DGKG: variants seen among roughly 807,000 people sequenced by gnomAD.
DGKG encodes the protein diacylglycerol kinase gamma, also known as DAG kinase gamma.
DGKG carries 78 observed loss-of-function variants against 105.3 expected under a neutral mutation model. The observed-to-expected ratio is 0.74, with a 90% CI of 0.62 to 0.89. DGKG has a LOEUF of 0.89. Among genes scored for constraint, DGKG ranks in the 40% least tolerant of loss-of-function variants. DGKG has a pLI of 0.00. For synonymous variants in DGKG, 346 were observed against 367.1 expected, an observed-to-expected ratio of 0.94 and a Z score of 0.66; for missense variants, 958 against 1,020.1, an observed-to-expected ratio of 0.94 and a Z score of 0.83.
At chr3:186,257,799 T>C in intron 17 of DGKG, 55 bp downstream of exon 17, 4 of 1,389,262 alleles carry the variant, frequency 2.9e-6, no homozygotes, top group Non-Finnish European at 4.1e-6. Flanking sequence ...CTTCTGCTGA[T>C]TGTAAATACG....
intron 21 of DGKG, among the ~76,000 whole-genome samples, chr3:186,191,259 A>G (rs1717893756): frequency 6.6e-6 from 1 of 152,268 alleles, no homozygotes; most frequent in Non-Finnish European, 1.5e-5. Context: ...CTAAGTCACC[A>G]ATATCTGTGT....
At chr3:186,185,133 C>T (rs1289317005) in intron 22 of DGKG, among the ~76,000 whole-genome samples, 1 of 152,226 alleles carries the variant, frequency 6.6e-6, no homozygotes, top group Non-Finnish European at 1.5e-5. Context: ...GAACTCCAGT[C>T]TTCTGACTCC....
chr3:186,265,107 A>G, intron 14 of DGKG, 140 bp downstream of exon 14: 1 of 734,956 alleles, frequency 1.4e-6, no homozygotes, highest in Non-Finnish European at 2.3e-6. Flanking sequence ...CCACAAATAA[A>G]TGCCCTCCTG....
At chr3:186,339,487 A>T (rs1725987066) in intron 1 of DGKG, among the ~76,000 whole-genome samples, 1 of 152,170 alleles carries the variant, frequency 6.6e-6, no homozygotes, top group East Asian at 1.9e-4. Context: ...CCTAAATTGG[A>T]TGTAACTTTA....
chr3:186,353,646 CTATGT>C, intron 1 of DGKG, among the ~76,000 whole-genome samples: 1 of 108,572 alleles, frequency 9.2e-6, no homozygotes, highest in African/African-American at 4.0e-5. Flanking sequence ...ATATCTATAT[CTATGT>C]CTATGTCTAT....
intron 1 of DGKG, among the ~76,000 whole-genome samples, chr3:186,354,120 G>C (rs1726787805): frequency 6.6e-6 from 1 of 152,102 alleles, no homozygotes; most frequent in African/African-American, 2.4e-5. Context: ...GGCTAGATGA[G>C]AGTAACCATT....
chr3:186,296,335 G>A (rs1191475647), intron 5 of DGKG, among the ~76,000 whole-genome samples: 1 of 152,208 alleles, frequency 6.6e-6, no homozygotes, highest in African/African-American at 2.4e-5. Flanking sequence ...GGTAGTGTTG[G>A]CTCTGGGAAT....
rs561466974 is a variant in DGKG, at chr3:186,196,295, G to A, written c.1918-7916C>T. Among the ~76,000 whole-genome samples the A allele has an allele frequency of 3.9e-5, 6 of 151,980 alleles. No individual in the cohort carries two copies. The East Asian group carries it at 5.8e-4, about 15-fold the overall frequency. ...TGGGACTACAGGTGCCCACCACCACGCCCAGCTAATTTTTTGTATTTTTAG... is the reference window on the plus strand; with the variant it reads ...TGGGACTACAGGTGCCCACCACCACACCCAGCTAATTTTTTGTATTTTTAG... On this transcript the variant is annotated intron_variant, in intron 21 of 24. Coordinates refer to ENST00000265022, the MANE Select transcript of DGKG (RefSeq NM_001346.3).
chr3:186,169,717 A>G (rs886120758), intron 22 of DGKG, among the ~76,000 whole-genome samples: 6 of 152,224 alleles, frequency 3.9e-5, no homozygotes, highest in African/African-American at 1.4e-4. Context: ...CAACTTCCAC[A>G]AGTTCAAAAT....
At chr3:186,281,915 T>C (rs1007805555) in intron 7 of DGKG, among the ~76,000 whole-genome samples, 12 of 152,174 alleles carry the variant, frequency 7.9e-5, no homozygotes, top group Non-Finnish European at 1.6e-4. Flanking sequence ...TAAAGAATCA[T>C]AGGGGACGGA....
chr3:186,230,045 G>A (rs367645676), intron 20 of DGKG, among the ~76,000 whole-genome samples: 65 of 152,234 alleles, frequency 4.3e-4, no homozygotes, highest in African/African-American at 1.5e-3. Context: ...GGATCACGAG[G>A]TCAGGAGATC....
At chr3:186,243,342 C>T (rs1163419699) in intron 19 of DGKG, among the ~76,000 whole-genome samples, 1 of 152,062 alleles carries the variant, frequency 6.6e-6, no homozygotes, top group African/African-American at 2.4e-5. Flanking sequence ...GCCACACTAG[C>T]GGCCCCCTGC....
At position 186,342,491 on chromosome 3, in the gene DGKG, C is replaced by T. The variant is rs73885854; in HGVS notation, c.-249+19455G>A. ...CGCATCAGACAAGTCTCTTCATTTC[C>T]CTTGTTGACATGGAATAAAGAAGCT... is the stretch of plus-strand genomic sequence containing the variant. On this transcript the variant is annotated intron_variant, in intron 1 of 24. Coordinates refer to ENST00000265022, the MANE Select transcript of DGKG (RefSeq NM_001346.3). Among the ~76,000 whole-genome samples the T allele has an allele frequency of 2.1e-3, 325 of 152,206 alleles. 2 individuals carry two copies. Among genetic ancestry groups the T allele is most frequent in the African/African-American group, 6.9e-3 (286 of 41,518 alleles).
At chr3:186,356,777 A>C (rs1726983504) in intron 1 of DGKG, among the ~76,000 whole-genome samples, 1 of 152,174 alleles carries the variant, frequency 6.6e-6, no homozygotes, top group African/African-American at 2.4e-5. Context: ...TTGAGAGCCA[A>C]GTTACCCCAT....
intron 1 of DGKG, among the ~76,000 whole-genome samples, chr3:186,355,426 A>AAC (rs1726893636): frequency 6.7e-6 from 1 of 149,664 alleles, no homozygotes; most frequent in African/African-American, 2.5e-5. Flanking sequence ...CACCACCATG[A>AAC]ACACTACTCC....
At chr3:186,180,943 A>C (rs1717329933) in intron 22 of DGKG, among the ~76,000 whole-genome samples, 1 of 152,230 alleles carries the variant, frequency 6.6e-6, no homozygotes, top group Non-Finnish European at 1.5e-5. Context: ...TGCCCTTCCC[A>C]GGTAAAGTGT....
intron 21 of DGKG, among the ~76,000 whole-genome samples, chr3:186,197,414 C>G (rs1286012214): frequency 6.6e-6 from 1 of 152,036 alleles, no homozygotes; most frequent in Non-Finnish European, 1.5e-5. Context: ...GAGTGAAATC[C>G]CCCACCACCC....
chr3:186,359,128 T>G (rs1727113019), intron 1 of DGKG, among the ~76,000 whole-genome samples: 1 of 152,192 alleles, frequency 6.6e-6, no homozygotes, highest in Admixed American at 6.5e-5. Context: ...CTTGGCCTAT[T>G]TGGATTCCTA....
chr3:186,230,571 G>A lies in DGKG; in HGVS notation c.1826+11933C>T, dbSNP rs1027562723. Among the ~76,000 whole-genome samples, 17 of 152,138 alleles carry A rather than the reference G, an allele frequency of 1.1e-4. 1 individual carries two copies. The highest frequency in any genetic ancestry group is 1.1e-3 in the Admixed American group (17 of 15,280). ...TGCAAGCATGGGATGTAACGTGGGA[G>A]GGGGGTGGTGGAAGTAGGTGCTTGT... On this transcript the variant is annotated intron_variant, in intron 20 of 24. Transcript: ENST00000265022.
Sources: allele counts gnomAD v4.1 joint callset (sites outside exome capture counted in the v4.1 genomes callset), GRCh38; gene constraint gnomAD v4.1.1; transcripts MANE v1.5; gene names NCBI Gene and HGNC (gene_info 2026-07-23, HGNC 2026-07-21).